ADAM2: variants seen among roughly 807,000 people sequenced by gnomAD.
ADAM2 encodes disintegrin and metalloproteinase domain-containing protein 2.
ADAM2 carries 101 observed loss-of-function variants against 99.3 expected under a neutral mutation model. That is an observed-to-expected ratio of 1.02 (90% CI 0.87 to 1.20). The LOEUF is 1.20. ADAM2 is among the 50% of genes most tolerant of loss of function. The pLI, the probability that ADAM2 is intolerant of heterozygous loss-of-function variation, is 0.00. For missense variants in ADAM2, 948 were observed against 878.7 expected, an observed-to-expected ratio of 1.08 and a Z score of -1.00; for synonymous variants, 323 against 287.6, an observed-to-expected ratio of 1.12 and a Z score of -1.25.
rs1372700414 is a variant in ADAM2 at position 39,755,859 on chromosome 8, G to A, written c.1666C>T (p.Gln556Ter). 1.3e-6 allele frequency: 2 copies of A among 1,594,236 alleles called. No individual in the cohort carries two copies. The highest frequency in any genetic ancestry group is 2.7e-5 in the African/African-American group (2 of 74,374). ...ICKYVGKFLL[Q>*]IPRATIIYAN... ...TAAATAATAGTGGCTCTTGGAATTT[G>A]TAATAAAAATTTACCTACATATTTA... is the stretch of plus-strand genomic sequence containing the variant. Residue 556 changes from glutamine to a stop codon, truncating the protein, a stop_gained, in exon 16 of 21, where the codon CAA becomes TAA. Transcript: ENST00000265708. LOFTEE classifies it high-confidence loss of function.
At chr8:39,787,964 ACATGGCGTG>A in intron 9 of ADAM2, 112 bp downstream of exon 9, 2 of 571,056 alleles carry the variant, frequency 3.5e-6, no homozygotes, top group Non-Finnish European at 5.5e-6. Context: ...AAAAATATTT[ACATGGCGTG>A]TGTGAGAAAA....
At chr8:39,818,402 A>G (rs753914153) in intron 6 of ADAM2, among the ~76,000 whole-genome samples, 11 of 152,058 alleles carry the variant, frequency 7.2e-5, no homozygotes, top group Non-Finnish European at 1.3e-4. Flanking sequence ...AAAATCATTA[A>G]CAAACTAACA....
At position 39,792,602 on chromosome 8, in the gene ADAM2, C is replaced by CT. The variant is rs531007302; in HGVS notation, c.571-3863dup. Among the ~76,000 whole-genome samples the CT allele has an allele frequency of 4.5e-3, 687 of 152,146 alleles. 7 individuals carry two copies. Among genetic ancestry groups the CT allele is most frequent in the African/African-American group, 0.016 (644 of 41,528 alleles). On this transcript the variant is annotated intron_variant, in intron 7 of 20. Coordinates refer to ENST00000265708, the MANE Select transcript of ADAM2 (RefSeq NM_001464.5). ...GCCCTCAAATCAATCAGATGTGCTT[C>CT]TTTAACCACCTTTATATCTTGGTCA...
At chr8:39,770,364 C>A (rs1311389542) in intron 11 of ADAM2, among the ~76,000 whole-genome samples, 1 of 152,192 alleles carries the variant, frequency 6.6e-6, no homozygotes, top group African/African-American at 2.4e-5. Context: ...GGCGTTATCA[C>A]CTGAACTCAA....
chr8:39,778,433 G>A (rs774792765), intron 10 of ADAM2, among the ~76,000 whole-genome samples: 1 of 152,052 alleles, frequency 6.6e-6, no homozygotes, highest in Non-Finnish European at 1.5e-5. Flanking sequence ...TCATTGCAAG[G>A]ATGCTTACGT....
chr8:39,776,448 G>A (rs2290301), intron 11 of ADAM2, among the ~76,000 whole-genome samples: 71,323 of 151,982 alleles, frequency 0.47, 17,082 homozygotes, highest in South Asian at 0.67. Context: ...ATAAAAGGCT[G>A]GCTCCAGTTA....
chr8:39,821,197 A>G (rs1805174292), intron 5 of ADAM2, 27 bp from the exon 6 acceptor site: 1 of 1,473,580 alleles, frequency 6.8e-7, no homozygotes, highest in African/African-American at 1.4e-5. Context: ...AAAATTAATA[A>G]GTAAAACAAT....
At position 39,746,476 on chromosome 8, in the gene ADAM2, C is replaced by T. The variant is rs746785098; in HGVS notation, c.2170G>A (p.Asp724Asn). ...TTAAATATGAAATCAATATACTCATCGCTTGAATAGTCCTCAGTTCTCCAT... is the reference window on the plus strand; with the variant it reads ...TTAAATATGAAATCAATATACTCATTGCTTGAATAGTCCTCAGTTCTCCAT... ...KKWRTEDYSS[D>N]EQPESESEPK... The change falls in exon 19 of 21, where the codon GAT (aspartate) becomes AAT (asparagine). Residue 724 changes from aspartate (D) to asparagine (N), a missense_variant. Asp to Asn is a conservative substitution (Grantham distance 23, BLOSUM62 1). Coordinates refer to ENST00000265708, the MANE Select transcript of ADAM2 (RefSeq NM_001464.5). The T allele has an allele frequency of 3.0e-5, 46 of 1,558,558 alleles. No individual in the cohort carries two copies. The highest frequency in any genetic ancestry group is 8.4e-5 in the African/African-American group (6 of 71,456).
chr8:39,823,525 G>T (rs1805282735), intron 4 of ADAM2, among the ~76,000 whole-genome samples: 1 of 151,204 alleles, frequency 6.6e-6, no homozygotes, highest in South Asian at 2.1e-4. Context: ...TAGCATTCTT[G>T]CTTGTTTTTT....
At chr8:39,830,736 T>G (rs541625026) in intron 3 of ADAM2, among the ~76,000 whole-genome samples, 6 of 151,924 alleles carry the variant, frequency 3.9e-5, no homozygotes, top group Non-Finnish European at 7.4e-5. Flanking sequence ...ATGAAAGGAA[T>G]AGAGCTAGAA....
chr8:39,826,085 A>C (rs1390914967), intron 3 of ADAM2, among the ~76,000 whole-genome samples: 1 of 152,096 alleles, frequency 6.6e-6, no homozygotes, highest in East Asian at 1.9e-4. Flanking sequence ...ATAGTTTTCA[A>C]TGTACAGATC....
At chr8:39,796,116 G>A (rs913472702) in intron 7 of ADAM2, among the ~76,000 whole-genome samples, 1 of 151,460 alleles carries the variant, frequency 6.6e-6, no homozygotes, top group African/African-American at 2.4e-5. Context: ...AGAATGTGCA[G>A]GTTTATTACA....
chr8:39,792,689 C>T (rs537259182), intron 7 of ADAM2, among the ~76,000 whole-genome samples: 12 of 152,046 alleles, frequency 7.9e-5, no homozygotes, highest in Non-Finnish European at 1.8e-4. Context: ...TCCCAAGAAA[C>T]CATCCCCAAA....
At position 39,767,254 on chromosome 8, in the gene ADAM2, G is replaced by A. The variant is rs756972429; in HGVS notation, c.1213-3C>T. On this transcript the variant is annotated splice_polypyrimidine_tract_variant and splice_region_variant and intron_variant, in intron 12 of 20. Transcript: ENST00000265708. ...GTTTCTCCAATAAGGGCACAATCCT[G>A]TAAGGCAAATCAAATGCTCTGAAGT... 1 of 1,597,538 alleles carries A rather than the reference G, an allele frequency of 6.3e-7. No individual in the cohort carries two copies.
chr8:39,832,050 C>A (rs1805639908), intron 3 of ADAM2, among the ~76,000 whole-genome samples: 1 of 152,122 alleles, frequency 6.6e-6, no homozygotes, highest in African/African-American at 2.4e-5. Flanking sequence ...CAAACTACAG[C>A]ATCTTAAAAG....
intron 15 of ADAM2, among the ~76,000 whole-genome samples, chr8:39,758,196 T>C (rs1019766475): frequency 1.3e-5 from 2 of 152,088 alleles, no homozygotes; most frequent in African/African-American, 4.8e-5. Context: ...ATGCATGTTC[T>C]AGCTCCATTG....
At chr8:39,783,767 T>G (rs1432542321) in intron 10 of ADAM2, among the ~76,000 whole-genome samples, 1 of 151,894 alleles carries the variant, frequency 6.6e-6, no homozygotes, top group Non-Finnish European at 1.5e-5. Flanking sequence ...CTGGCTAACA[T>G]GGTGAAACCC....
intron 19 of ADAM2, 72 bp downstream of exon 19, chr8:39,746,400 A>T: frequency 1.0e-6 from 1 of 1,003,850 alleles, no homozygotes; most frequent in Non-Finnish European, 1.4e-6. Context: ...TACTCATTAC[A>T]TCGACCACAT....
intron 7 of ADAM2, among the ~76,000 whole-genome samples, chr8:39,801,434 C>G (rs2129586381): frequency 6.6e-6 from 1 of 152,284 alleles, no homozygotes; most frequent in African/African-American, 2.4e-5. Context: ...CAACCTGATG[C>G]CAGTAGGATT....
Sources: allele counts gnomAD v4.1 joint callset (sites outside exome capture counted in the v4.1 genomes callset), GRCh38; gene constraint gnomAD v4.1.1; transcripts MANE v1.5; gene names NCBI Gene and HGNC (gene_info 2026-07-23, HGNC 2026-07-21).